ANKRD44: variants seen among roughly 807,000 people sequenced by gnomAD.
The protein encoded by ANKRD44 is ankyrin repeat domain 44, also known as serine/threonine-protein phosphatase 6 regulatory ankyrin repeat subunit B.
ANKRD44 carries 35 observed loss-of-function variants against 116.0 expected under a neutral mutation model. That is an observed-to-expected ratio of 0.30 (90% confidence interval 0.23 to 0.40). The LOEUF is 0.40. ANKRD44 is among the 10% of genes least tolerant of loss of function. The pLI, the probability that ANKRD44 is intolerant of heterozygous loss-of-function variation, is 1.00. For missense variants in ANKRD44, 1,014 were observed against 1,242.6 expected, an observed-to-expected ratio of 0.82 and a Z score of 2.77; for synonymous variants, 435 against 461.8, an observed-to-expected ratio of 0.94 and a Z score of 0.74.
downstream of ANKRD44, among the ~76,000 whole-genome samples, chr2:196,982,412 A>G (rs914940858): frequency 2.6e-5 from 4 of 152,102 alleles, no homozygotes; most frequent in Non-Finnish European, 5.9e-5. Context: ...GTTTCCTTGG[A>G]GTAAACTTGC....
At chr2:197,010,268 C>A (rs2076273937) in intron 18 of ANKRD44, among the ~76,000 whole-genome samples, 3 of 152,148 alleles carry the variant, frequency 2.0e-5, no homozygotes, top group Admixed American at 1.3e-4. Flanking sequence ...GCTCCATCCG[C>A]TCACTGTTGA....
chr2:197,099,857 A>T lies in ANKRD44; in HGVS notation c.1059T>A (p.Leu353=). The change falls in exon 10 of 28, where the codon CTT becomes CTA. Residue 353 remains leucine (L), a synonymous_variant. Coordinates refer to ENST00000282272, the MANE Select transcript of ANKRD44 (RefSeq NM_001195144.2). ...LHVAARYGHE[L]LINTLITSGA... ...CGCTGGTTATTAAGGTGTTAATCAA[A>T]AGCTCATGACCGTATCTTGCAGCCA... 6.2e-7 allele frequency: 1 copy of T among 1,614,158 alleles called. No homozygotes were observed. The highest frequency in any genetic ancestry group is 1.1e-5 in the South Asian group (1 of 91,082).
At chr2:197,021,138 T>C (rs1445473804) in intron 17 of ANKRD44, among the ~76,000 whole-genome samples, 2 of 152,226 alleles carry the variant, frequency 1.3e-5, no homozygotes, top group African/African-American at 4.8e-5. Context: ...CATCCTTTTT[T>C]ATGGCTGCAT....
intron 1 of ANKRD44, among the ~76,000 whole-genome samples, chr2:197,286,558 G>A (rs1000518109): frequency 1.1e-4 from 17 of 151,464 alleles, no homozygotes; most frequent in African/African-American, 3.6e-4. Context: ...TTAATTTTTT[G>A]TAGAGATGGG....
At chr2:197,070,385 T>C (rs556140536) in intron 16 of ANKRD44, among the ~76,000 whole-genome samples, 14 of 152,284 alleles carry the variant, frequency 9.2e-5, no homozygotes, top group African/African-American at 3.1e-4. Flanking sequence ...GTTGAGGAAG[T>C]TCCCCTCTAT....
intron 21 of ANKRD44, among the ~76,000 whole-genome samples, chr2:196,977,590 G>A (rs1343410365): frequency 6.6e-6 from 1 of 152,196 alleles, no homozygotes; most frequent in Admixed American, 6.5e-5. Context: ...TAAGCACACA[G>A]AAAGGTGCTT....
chr2:196,988,871 G>A lies in ANKRD44; in HGVS notation c.*720C>T, dbSNP rs1351386246. 2.0e-6 allele frequency: 2 copies of A among 985,274 alleles called. No individual in the cohort carries two copies. Among genetic ancestry groups the A allele is most frequent in the Admixed American group, 1.2e-4 (2 of 16,256 alleles). 61.0% of individuals were successfully genotyped at this position (985,274 alleles called of 1,614,324 possible). On this transcript the variant is annotated 3_prime_UTR_variant, in exon 28 of 28. Coordinates refer to ENST00000282272, the MANE Select transcript of ANKRD44 (RefSeq NM_001195144.2). Reference sequence around the variant, plus strand: ...CTATGTGAGCTTTTCAGTGTACTTAGGGTAATTTCTAGATATTTCTTTGTG... The same window carrying A: ...CTATGTGAGCTTTTCAGTGTACTTAAGGTAATTTCTAGATATTTCTTTGTG...
chr2:197,249,408 T>A (rs1004916719), intron 1 of ANKRD44, among the ~76,000 whole-genome samples: 6 of 152,370 alleles, frequency 3.9e-5, no homozygotes, highest in Admixed American at 3.3e-4. Context: ...GAGGAAGAGC[T>A]TCCCAGTTTT....
intron 8 of ANKRD44, among the ~76,000 whole-genome samples, chr2:197,118,205 C>T (rs550840154): frequency 1.3e-5 from 2 of 151,346 alleles, no homozygotes; most frequent in East Asian, 3.9e-4. Context: ...AGAGCCAGAT[C>T]CTGTCTCAAT....
At chr2:197,233,887 C>T (rs1167682808) in intron 1 of ANKRD44, among the ~76,000 whole-genome samples, 2 of 152,194 alleles carry the variant, frequency 1.3e-5, no homozygotes, top group African/African-American at 4.8e-5. Flanking sequence ...AATATATTTT[C>T]AATCTATAGG....
chr2:197,141,658 T>G (rs1206664594), intron 3 of ANKRD44, among the ~76,000 whole-genome samples: 2 of 152,176 alleles, frequency 1.3e-5, no homozygotes, highest in Non-Finnish European at 2.9e-5. Flanking sequence ...TTTCAGTCAG[T>G]GTTTAAGTCC....
At chr2:197,211,660 A>C (rs2081327205) in intron 1 of ANKRD44, among the ~76,000 whole-genome samples, 2 of 152,076 alleles carry the variant, frequency 1.3e-5, no homozygotes, top group Non-Finnish European at 2.9e-5. Flanking sequence ...TCTCAGGGGT[A>C]CCACCTCGAG....
chr2:197,030,757 G>A (rs532932832), intron 16 of ANKRD44, among the ~76,000 whole-genome samples: 6 of 152,154 alleles, frequency 3.9e-5, no homozygotes, highest in Admixed American at 2.0e-4. Flanking sequence ...AGCTAGAGTG[G>A]TTTCTGAATC....
At chr2:197,229,489 A>C (rs2081804517) in intron 1 of ANKRD44, among the ~76,000 whole-genome samples, 1 of 152,248 alleles carries the variant, frequency 6.6e-6, no homozygotes, top group East Asian at 1.9e-4. Flanking sequence ...TTAAAAGCAC[A>C]GGGGAAGATA....
intron 21 of ANKRD44, among the ~76,000 whole-genome samples, chr2:196,979,913 A>G (rs2075788916): frequency 1.3e-5 from 2 of 152,126 alleles, no homozygotes; most frequent in African/African-American, 2.4e-5. Flanking sequence ...TTTTTGTCAC[A>G]ACCAGCATCT....
chr2:197,194,328 A>G (rs763697142), intron 1 of ANKRD44, among the ~76,000 whole-genome samples: 8 of 152,376 alleles, frequency 5.3e-5, no homozygotes, highest in Non-Finnish European at 7.3e-5. Context: ...TTCTTGACTA[A>G]TCAAAAGGTA....
chr2:197,156,120 G>T (rs888689993), intron 2 of ANKRD44, among the ~76,000 whole-genome samples: 7 of 152,240 alleles, frequency 4.6e-5, no homozygotes, highest in African/African-American at 1.7e-4. Context: ...GCCAAGGCGG[G>T]CGGATCACGA....
At chr2:197,000,197 A>C (rs949695465) in intron 23 of ANKRD44, among the ~76,000 whole-genome samples, 83 of 152,344 alleles carry the variant, frequency 5.4e-4, no homozygotes, top group African/African-American at 1.6e-3. Flanking sequence ...AGGAGAAAAT[A>C]AAATTTGTAA....
chr2:197,222,907 G>A lies in ANKRD44; in HGVS notation c.28-35801C>T, dbSNP rs184855038. Among the ~76,000 whole-genome samples the A allele has an allele frequency of 2.4e-3, 363 of 151,830 alleles. 2 individuals carry two copies. The highest frequency in any genetic ancestry group is 8.4e-3 in the African/African-American group (349 of 41,328). On this transcript the variant is annotated intron_variant, in intron 1 of 27. Transcript: ENST00000282272. ...GGCTCCCTGCAACCTCCACCTCTCA[G>A]GTTCAAGTGATTCTCCTGCCTCAGC... is the stretch of plus-strand genomic sequence containing the variant.
Sources: allele counts gnomAD v4.1 joint callset (sites outside exome capture counted in the v4.1 genomes callset), GRCh38; gene constraint gnomAD v4.1.1; transcripts MANE v1.5; gene names NCBI Gene and HGNC (gene_info 2026-07-23, HGNC 2026-07-21).